The following STK32C variants were observed in gnomAD, a reference collection of about 807,000 sequenced individuals.
STK32C encodes the protein serine/threonine kinase 32C.
A neutral mutation model predicts 56.5 loss-of-function variants in STK32C; 31 were observed. The ratio of observed to expected loss-of-function variants is 0.55; its 90% CI spans 0.41 to 0.74. STK32C has a LOEUF of 0.74. Among genes scored for constraint, STK32C ranks in the 30% least tolerant of loss-of-function variants. The probability of loss-of-function intolerance (pLI) is 0.00; values close to 1 mark genes in which losing one functional copy is unlikely to be tolerated. For synonymous variants in STK32C, 309 were observed against 289.4 expected, an observed-to-expected ratio of 1.07 and a Z score of -0.69; for missense variants, 544 against 676.9, an observed-to-expected ratio of 0.80 and a Z score of 2.18.
intron 2 of STK32C, among the ~76,000 whole-genome samples, chr10:132,235,364 C>T (rs1461479471): frequency 1.3e-5 from 2 of 151,702 alleles, no homozygotes; most frequent in African/African-American, 4.8e-5. Flanking sequence ...GGTGTGGTGG[C>T]GTGTGCCTGT....
At chr10:132,331,953 AG>A, upstream of STK32C, 1 of 476,958 alleles carries the variant, frequency 2.1e-6, no homozygotes. Context: ...GCCCCAGCGC[AG>A]GCGCACCACA....
chr10:132,273,589 G>GGTTACTGAATGAGTGAAGGA (rs56831391), intron 1 of STK32C, among the ~76,000 whole-genome samples: 7,214 of 152,082 alleles, frequency 0.047, 202 homozygotes, highest in Middle Eastern at 0.071. Context: ...ATGAATACAT[G>GGTTACTGAATGAGTGAAGGA]GTTACTGAAT....
chr10:132,224,733 C>T (rs1320071268), intron 7 of STK32C, among the ~76,000 whole-genome samples: 1 of 152,114 alleles, frequency 6.6e-6, no homozygotes, highest in Non-Finnish European at 1.5e-5. Flanking sequence ...GGCTGCTGCG[C>T]CCATCTGGCT....
chr10:132,280,343 C>T (rs1181777305), intron 1 of STK32C, among the ~76,000 whole-genome samples: 1 of 146,712 alleles, frequency 6.8e-6, no homozygotes, highest in African/African-American at 2.5e-5. Flanking sequence ...ATGCTGAGGC[C>T]TCCACTCCGT....
chr10:132,305,035 G>T (rs1462266324), intron 1 of STK32C, among the ~76,000 whole-genome samples: 1 of 152,238 alleles, frequency 6.6e-6, no homozygotes, highest in Non-Finnish European at 1.5e-5. Context: ...AGGACACCAA[G>T]ACAGAGAGGA....
chr10:132,254,189 A>G (rs2064020985), intron 1 of STK32C, among the ~76,000 whole-genome samples: 2 of 152,066 alleles, frequency 1.3e-5, no homozygotes, highest in East Asian at 1.9e-4. Flanking sequence ...GGCGCCTGTA[A>G]TCCCAGCTAC....
intron 1 of STK32C, among the ~76,000 whole-genome samples, chr10:132,279,013 T>C (rs2065072415): frequency 6.6e-6 from 1 of 152,142 alleles, no homozygotes; most frequent in Admixed American, 6.5e-5. Context: ...TTGTCTTGAA[T>C]ACAGCCAGTG....
intron 1 of STK32C, among the ~76,000 whole-genome samples, chr10:132,281,426 T>C (rs1219344104): frequency 6.6e-6 from 1 of 152,166 alleles, no homozygotes; most frequent in African/African-American, 2.4e-5. Context: ...GCCCCAGCTA[T>C]TCCTAACGTA....
At chr10:132,263,834 C>G (rs2064393246) in intron 1 of STK32C, among the ~76,000 whole-genome samples, 1 of 148,892 alleles carries the variant, frequency 6.7e-6, no homozygotes, top group Non-Finnish European at 1.5e-5. Context: ...CCACTGCACT[C>G]CAGCCTGGAT....
At chr10:132,296,012 GA>G (rs2065734977) in intron 1 of STK32C, among the ~76,000 whole-genome samples, 1 of 151,278 alleles carries the variant, frequency 6.6e-6, no homozygotes, top group African/African-American at 2.4e-5. Context: ...GGAAAAGGGG[GA>G]AAGGGGACGT....
intron 1 of STK32C, among the ~76,000 whole-genome samples, chr10:132,273,794 T>C (rs1305018034): frequency 2.0e-5 from 3 of 151,968 alleles, no homozygotes; most frequent in Non-Finnish European, 4.4e-5. Context: ...AATGAATGCA[T>C]GGTGAGTGAA....
intron 1 of STK32C, among the ~76,000 whole-genome samples, chr10:132,267,767 G>A (rs1331216505): frequency 7.9e-5 from 9 of 114,324 alleles, no homozygotes; most frequent in African/African-American, 1.6e-4. Flanking sequence ...GTGCATGCAT[G>A]TGCATGCAGG....
At chr10:132,256,426 G>C (rs11146268) in intron 1 of STK32C, among the ~76,000 whole-genome samples, 1 of 152,012 alleles carries the variant, frequency 6.6e-6, no homozygotes, top group Non-Finnish European at 1.5e-5. Flanking sequence ...AAATTGTCTG[G>C]AATCATGTTC....
At chr10:132,268,329 G>A (rs1414487750) in intron 1 of STK32C, among the ~76,000 whole-genome samples, 2 of 151,046 alleles carry the variant, frequency 1.3e-5, no homozygotes, top group East Asian at 2.0e-4. Context: ...GTGTCGGTGT[G>A]TGTGCATGCA....
intron 2 of STK32C, among the ~76,000 whole-genome samples, chr10:132,237,454 G>A (rs146491960): frequency 5.5e-4 from 84 of 152,378 alleles, no homozygotes; most frequent in African/African-American, 1.9e-3. Context: ...GCATAAAGGT[G>A]CAGCCTGGGT....
intron 1 of STK32C, among the ~76,000 whole-genome samples, chr10:132,288,371 A>G (rs917806362): frequency 4.3e-4 from 66 of 152,392 alleles, no homozygotes; most frequent in African/African-American, 1.5e-3. Flanking sequence ...ATCAACATTT[A>G]AAACTTCTTT....
intron 10 of STK32C, among the ~76,000 whole-genome samples, chr10:132,214,816 G>C (rs1447993826): frequency 6.6e-6 from 1 of 152,188 alleles, no homozygotes; most frequent in African/African-American, 2.4e-5. Flanking sequence ...AGACTGTATG[G>C]TAAAGGTATA....
intron 1 of STK32C, among the ~76,000 whole-genome samples, chr10:132,248,575 G>A (rs537539282): frequency 3.4e-4 from 52 of 152,242 alleles, no homozygotes; most frequent in Non-Finnish European, 6.3e-4. Flanking sequence ...GAGCCACAGC[G>A]GGCACAGGAG....
At chr10:132,257,901 C>A (rs902189319) in intron 1 of STK32C, among the ~76,000 whole-genome samples, 1 of 152,186 alleles carries the variant, frequency 6.6e-6, no homozygotes, top group Non-Finnish European at 1.5e-5. Flanking sequence ...CAAAGGAGGC[C>A]GCGGCCCAGC....
Sources: gnomAD v4.1 joint callset for allele counts (sites outside exome capture counted in the v4.1 genomes callset) on GRCh38, gnomAD v4.1.1 for gene constraint, MANE v1.5 for transcripts, NCBI Gene and HGNC (gene_info 2026-07-23, HGNC 2026-07-21) for gene names.